The following GSX2 variants were observed in gnomAD, a reference collection of about 807,000 sequenced individuals.
GSX2 encodes the protein GS homeobox 2, also known as genetic-screened homeobox 2.
In GSX2, 16 loss-of-function variants were observed where a neutral mutation model predicts 19.2. The ratio of observed to expected loss-of-function variants is 0.84; its 90% CI spans 0.57 to 1.27. The LOEUF (loss-of-function observed/expected upper bound fraction) is 1.27. Ranked by LOEUF, GSX2 falls within the 50% of genes most tolerant of loss-of-function variation. GSX2 has a pLI of 0.00. For missense variants in GSX2, 448 were observed against 428.4 expected (o/e 1.05, Z -0.40); for synonymous variants, 217 against 196.4 (o/e 1.10, Z -0.88).
At position 54,100,791 on chromosome 4, in the gene GSX2, G is replaced by GGCGGCAGCA; in HGVS notation, c.450_458dup (p.Ala160_Ala162dup). ...CCCAGCAGCCTGGCTCGGCCGCGGCGGCGGCAGCAGCAGCAGCGGCGGCGG... is the reference window on the plus strand; with the variant it reads ...CCCAGCAGCCTGGCTCGGCCGCGGCGGCGGCAGCAGCGGCAGCAGCAGCAGCGGCGGCGG... On this transcript the variant is annotated inframe_insertion, in exon 1 of 2. Transcript: ENST00000326902. The GGCGGCAGCA allele has an allele frequency of 6.8e-7, 1 of 1,465,186 alleles. No individual in the cohort carries two copies. The highest frequency in any genetic ancestry group is 9.0e-7 in the Non-Finnish European group (1 of 1,115,982). 90.8% of individuals were successfully genotyped at this position (1,465,186 alleles called of 1,614,324 possible). A position where few individuals can be genotyped will look rare whatever the true frequency, so the allele number is the denominator to read the frequency against.
rs537141111 is a variant in GSX2, at chr4:54,100,361, A to T, written c.17A>T (p.Tyr6Phe). 72 of 1,613,646 alleles carry T rather than the reference A, an allele frequency of 4.5e-5. No homozygotes were observed. The East Asian group carries it at 1.5e-3, about 34-fold the overall frequency. MSRSF[Y>F]VDSLIIKDTS... The stretch of plus-strand genomic sequence containing the variant: ...CCTCTCGACATGTCGCGCTCCTTCT[A>T]TGTCGACTCGCTCATCATCAAGGAC... The change falls in exon 1 of 2, where the codon TAT becomes TTT. Residue 6 changes from tyrosine to phenylalanine, a missense_variant. By Grantham distance (22) the Tyr-to-Phe change is conservative (BLOSUM62 3). Transcript: ENST00000326902.
In GSX2 at chr4:54,101,937, C is replaced by T. The variant is rs753350409; in HGVS notation, c.*15C>T. 1.9e-6 allele frequency: 3 copies of T among 1,549,672 alleles called. No individual in the cohort carries two copies. The highest frequency in any genetic ancestry group is 2.6e-6 in the Non-Finnish European group (3 of 1,144,612). ...CCCCCTTATGAGGGAGGGCCTCCTC[C>T]CTCACATCCCCCGCTCCTGGCAGAC... On this transcript the variant is annotated 3_prime_UTR_variant, in exon 2 of 2. Coordinates refer to ENST00000326902, the MANE Select transcript of GSX2 (RefSeq NM_133267.3). This position sits in a 1 kb window ranked among gnomAD's most constrained non-coding sequence, Gnocchi z 5.0.
rs1051407139 is a variant in GSX2, at chr4:54,102,438, G to C, written c.*516G>C. 1 of 152,010 alleles carries C rather than the reference G, an allele frequency of 6.6e-6. No homozygotes were observed. The highest frequency in any genetic ancestry group is 1.5e-5 in the Non-Finnish European group (1 of 68,030). The allele number at this position is 152,010 out of a possible 1,614,324, so 9.4% of individuals were successfully genotyped here. A position where few individuals can be genotyped will look rare whatever the true frequency, so the allele number is the denominator to read the frequency against. Reference sequence around the variant, plus strand: ...AGTCGCTGGAAGTCCCTTTGTATGTGAATAGGTTTATATAAAATTTATATT... The same window carrying C: ...AGTCGCTGGAAGTCCCTTTGTATGTCAATAGGTTTATATAAAATTTATATT... On this transcript the variant is annotated 3_prime_UTR_variant, in exon 2 of 2. Transcript: ENST00000326902.
rs559820615 is a variant in GSX2, at chr4:54,101,006, C to T, written c.574+88C>T. ...ACCTCCAGTGGAGGAAGTGGGAGCC[C>T]GGGGACAGGGTGAAGAGAGAGGACG... On this transcript the variant is annotated intron_variant, in intron 1 of 1. Transcript: ENST00000326902. This position sits in a 1 kb window ranked among gnomAD's most constrained non-coding sequence, Gnocchi z 5.0. The T allele has an allele frequency of 9.5e-5, 111 of 1,163,530 alleles. 2 individuals carry two copies. In the South Asian group the frequency reaches 1.0e-3, roughly 11 times the overall value. The allele number at this position is 1,163,530 out of a possible 1,614,324, so 72.1% of individuals were successfully genotyped here. A position where few individuals can be genotyped will look rare whatever the true frequency, so the allele number is the denominator to read the frequency against.
rs773160470 is a variant in GSX2, at chr4:54,100,336, C to G, written c.-9C>G. 96 of 1,612,674 alleles carry G rather than the reference C, an allele frequency of 6.0e-5. No individual in the cohort carries two copies. The East Asian group carries it at 1.5e-3, about 25-fold the overall frequency. ...CTGCCGGGGCTTCCAGCCACCCACC[C>G]CTCTCGACATGTCGCGCTCCTTCTA... On this transcript the variant is annotated 5_prime_UTR_variant, in exon 1 of 2. Coordinates refer to ENST00000326902, the MANE Select transcript of GSX2 (RefSeq NM_133267.3).
chr4:54,101,301 C>T lies in GSX2; in HGVS notation c.575-281C>T, dbSNP rs1490601643. Among the ~76,000 whole-genome samples the T allele has an allele frequency of 6.6e-6, 1 of 152,182 alleles. No individual in the cohort carries two copies. The highest frequency in any genetic ancestry group is 2.4e-5 in the African/African-American group (1 of 41,460). The stretch of plus-strand genomic sequence containing the variant: ...GTCTTGACGTTTTTGGCTAAGCCTG[C>T]GCGCTTCTCCGCTTGGCTCAAAGGG... On this transcript the variant is annotated intron_variant, in intron 1 of 1. Coordinates refer to ENST00000326902, the MANE Select transcript of GSX2 (RefSeq NM_133267.3). This position sits in a 1 kb window ranked among gnomAD's most constrained non-coding sequence, Gnocchi z 5.0.
chr4:54,102,254 A>C lies in GSX2; in HGVS notation c.*332A>C. Reference sequence around the variant, plus strand: ...TTTTGAAAGCACATGTCAGTTCCCCATCCCTACTCTCTTTCAGAACTCGAT... The same window carrying C: ...TTTTGAAAGCACATGTCAGTTCCCCCTCCCTACTCTCTTTCAGAACTCGAT... On this transcript the variant is annotated 3_prime_UTR_variant, in exon 2 of 2. Coordinates refer to ENST00000326902, the MANE Select transcript of GSX2 (RefSeq NM_133267.3). 4.7e-6 allele frequency: 1 copy of C among 213,476 alleles called. No homozygotes were observed. The highest frequency in any genetic ancestry group is 9.2e-6 in the Non-Finnish European group (1 of 108,614). The allele number at this position is 213,476 out of a possible 1,614,324, so 13.2% of individuals were successfully genotyped here.
chr4:54,102,002 C>A lies in GSX2; in HGVS notation c.*80C>A. 8.2e-7 allele frequency: 1 copy of A among 1,223,900 alleles called. No individual in the cohort carries two copies. The highest frequency in any genetic ancestry group is 1.1e-6 in the Non-Finnish European group (1 of 887,600). 75.8% of individuals were successfully genotyped at this position (1,223,900 alleles called of 1,614,324 possible). ...GCGTGGGGCACCCAGGGGCCAGAAT[C>A]CTTGCTCATTGCAGTGGTCCCATCT... On this transcript the variant is annotated 3_prime_UTR_variant, in exon 2 of 2. Transcript: ENST00000326902.
At position 54,101,915 on chromosome 4, in the gene GSX2, C is replaced by G; in HGVS notation, c.908C>G (p.Pro303Arg). Residue 303 changes from proline to arginine, a missense_variant, in exon 2 of 2, where the codon CCC becomes CGC. By Grantham distance (103) the Pro-to-Arg change is moderately radical. Transcript: ENST00000326902. This position sits in a 1 kb window ranked among gnomAD's most constrained non-coding sequence, Gnocchi z 5.0. ...GCCAACGATGACAAGGAGATTTCCC[C>G]CTTATGAGGGAGGGCCTCCTCCCTC... is the stretch of plus-strand genomic sequence containing the variant. ...ASANDDKEIS[P>R]L 6.3e-7 allele frequency: 1 copy of G among 1,595,366 alleles called. No homozygotes were observed. Among genetic ancestry groups the G allele is most frequent in the South Asian group, 1.1e-5 (1 of 88,512 alleles).
rs548038657 is a variant in GSX2 at position 54,100,315 on chromosome 4, C to CG, written c.-26dup. 6.2e-7 allele frequency: 1 copy of CG among 1,609,470 alleles called. No individual in the cohort carries two copies. Among genetic ancestry groups the CG allele is most frequent in the Non-Finnish European group, 8.5e-7 (1 of 1,179,346 alleles). ...GAGGAGAGGGGTCGCCGCGAACTGCCGGGGCTTCCAGCCACCCACCCCTCT... is the reference window on the plus strand; with the variant it reads ...GAGGAGAGGGGTCGCCGCGAACTGCCGGGGGCTTCCAGCCACCCACCCCTCT... On this transcript the variant is annotated 5_prime_UTR_variant, in exon 1 of 2. Coordinates refer to ENST00000326902, the MANE Select transcript of GSX2 (RefSeq NM_133267.3).
In GSX2 at chr4:54,101,769, A is replaced by G. The variant is rs751232034; in HGVS notation, c.762A>G (p.Arg254=). ...KQVKIWFQNR[R]VKHKKEGKGT... The stretch of plus-strand genomic sequence containing the variant: ...TGAAAATCTGGTTTCAGAACCGCCG[A>G]GTGAAGCACAAGAAGGAGGGGAAGG... Residue 254 remains arginine, a synonymous_variant, in exon 2 of 2, where the codon CGA becomes CGG. Transcript: ENST00000326902. This position sits in a 1 kb window ranked among gnomAD's most constrained non-coding sequence, Gnocchi z 5.0. 6 of 1,614,198 alleles carry G rather than the reference A, an allele frequency of 3.7e-6. No homozygotes were observed. In the South Asian group the frequency reaches 6.6e-5, roughly 18 times the overall value.
chr4:54,100,786 G>C lies in GSX2; in HGVS notation c.442G>C (p.Ala148Pro). ...HHQPQQPGSA[A>P]AAAAAAAAAA... ...TCAGCCCCAGCAGCCTGGCTCGGCC[G>C]CGGCGGCGGCAGCAGCAGCAGCGGC... is the stretch of plus-strand genomic sequence containing the variant. Residue 148 changes from alanine (A) to proline (P), a missense_variant, in exon 1 of 2, where the codon GCG (alanine) becomes CCG (proline). By Grantham distance (27) the Ala-to-Pro change is conservative. Coordinates refer to ENST00000326902, the MANE Select transcript of GSX2 (RefSeq NM_133267.3). 6.9e-7 allele frequency: 1 copy of C among 1,451,946 alleles called. No homozygotes were observed. Among genetic ancestry groups the C allele is most frequent in the Non-Finnish European group, 9.1e-7 (1 of 1,104,886 alleles). The allele number at this position is 1,451,946 out of a possible 1,614,324, so 89.9% of individuals were successfully genotyped here.
rs754704029 is a variant in GSX2, at chr4:54,100,812, GGCGGCGGCC to G, written c.478_486del (p.Ala160_Ala162del). 3.4e-6 allele frequency: 5 copies of G among 1,449,924 alleles called. No individual in the cohort carries two copies. Among genetic ancestry groups the G allele is most frequent in the Non-Finnish European group, 3.6e-6 (4 of 1,110,370 alleles). 89.8% of individuals were successfully genotyped at this position (1,449,924 alleles called of 1,614,324 possible). ...CGGCGGCGGCAGCAGCAGCAGCGGC[GGCGGCGGCC>G]GCGGCGGCCTTGGGGCACCCGCAGC... On this transcript the variant is annotated inframe_deletion, in exon 1 of 2. Transcript: ENST00000326902.
Position 54,102,065 on chromosome 4 carries a change from GCCGGGAC to G in GSX2, c.*145_*151del. ...AACCTGGAAGTTCTGGAATGGACAA[GCCGGGAC>G]CTGACCCTTCGCGTCTCCTTCTTGA... On this transcript the variant is annotated 3_prime_UTR_variant, in exon 2 of 2. Coordinates refer to ENST00000326902, the MANE Select transcript of GSX2 (RefSeq NM_133267.3). 1 of 685,252 alleles carries G rather than the reference GCCGGGAC, an allele frequency of 1.5e-6. No homozygotes were observed. Among genetic ancestry groups the G allele is most frequent in the East Asian group, 2.7e-5 (1 of 36,402 alleles). 42.4% of individuals were successfully genotyped at this position (685,252 alleles called of 1,614,324 possible).
At position 54,100,566 on chromosome 4, in the gene GSX2, G is replaced by T. The variant is rs755157514; in HGVS notation, c.222G>T (p.Gly74=). The T allele has an allele frequency of 6.3e-7, 1 of 1,594,552 alleles. No homozygotes were observed. Among genetic ancestry groups the T allele is most frequent in the Non-Finnish European group, 8.5e-7 (1 of 1,172,290 alleles). ...CVTSHLHSSR[G]SVGAGSGGAG... is the part of the protein sequence containing the mutation. ...CTTCGCACCTGCACTCCTCTCGGGGGTCTGTGGGCGCCGGCAGCGGGGGCG... is the reference window on the plus strand; with the variant it reads ...CTTCGCACCTGCACTCCTCTCGGGGTTCTGTGGGCGCCGGCAGCGGGGGCG... Residue 74 remains glycine, a synonymous_variant, in exon 1 of 2, where the codon GGG becomes GGT. Coordinates refer to ENST00000326902, the MANE Select transcript of GSX2 (RefSeq NM_133267.3).
At position 54,101,895 on chromosome 4, in the gene GSX2, C is replaced by T. The variant is rs187314393; in HGVS notation, c.888C>T (p.Asn296=). The change falls in exon 2 of 2, where the codon AAC becomes AAT. Residue 296 remains asparagine (N), a synonymous_variant. Transcript: ENST00000326902. This position sits in a 1 kb window ranked among gnomAD's most constrained non-coding sequence, Gnocchi z 5.0. The part of the protein sequence containing the change: ...DEDSLSPASA[N]DDKEISPL ...ACTCCCTGTCGCCGGCCTCAGCCAACGATGACAAGGAGATTTCCCCCTTAT... is the reference window on the plus strand; with the variant it reads ...ACTCCCTGTCGCCGGCCTCAGCCAATGATGACAAGGAGATTTCCCCCTTAT... The T allele has an allele frequency of 6.2e-7, 1 of 1,610,202 alleles. No individual in the cohort carries two copies. The highest frequency in any genetic ancestry group is 1.1e-5 in the South Asian group (1 of 90,630).
rs1718164030 is a variant in GSX2 at position 54,101,014 on chromosome 4, G to C, written c.574+96G>C. 1 of 1,071,830 alleles carries C rather than the reference G, an allele frequency of 9.3e-7. No individual in the cohort carries two copies. Among genetic ancestry groups the C allele is most frequent in the African/African-American group, 1.7e-5 (1 of 59,694 alleles). The allele number at this position is 1,071,830 out of a possible 1,614,324, so 66.4% of individuals were successfully genotyped here. A position where few individuals can be genotyped will look rare whatever the true frequency, so the allele number is the denominator to read the frequency against. ...TGGAGGAAGTGGGAGCCCGGGGACA[G>C]GGTGAAGAGAGAGGACGGGCTTTTA... On this transcript the variant is annotated intron_variant, in intron 1 of 1. Coordinates refer to ENST00000326902, the MANE Select transcript of GSX2 (RefSeq NM_133267.3). The surrounding 1 kb of genome is among the most constrained non-coding windows in gnomAD (Gnocchi z 5.0).
In GSX2 at chr4:54,102,188, A is replaced by G; in HGVS notation, c.*266A>G. 3 of 442,360 alleles carry G rather than the reference A, an allele frequency of 6.8e-6. No individual in the cohort carries two copies. In the South Asian group the frequency reaches 1.1e-4, roughly 16 times the overall value. The allele number at this position is 442,360 out of a possible 1,614,324, so 27.4% of individuals were successfully genotyped here. ...TCAACTCATTCTTGTCGTATAACAG[A>G]GGAAAAACAGGGTTGGTTTAAGTTT... On this transcript the variant is annotated 3_prime_UTR_variant, in exon 2 of 2. Coordinates refer to ENST00000326902, the MANE Select transcript of GSX2 (RefSeq NM_133267.3).
In GSX2 at chr4:54,100,853, C is replaced by T; in HGVS notation, c.509C>T (p.Ala170Val). ...AAALGHPQHH[A>V]PVCTATTYNV... Reference sequence around the variant, plus strand: ...GCCTTGGGGCACCCGCAGCACCACGCACCTGTCTGCACCGCCACCACCTAC... The same window carrying T: ...GCCTTGGGGCACCCGCAGCACCACGTACCTGTCTGCACCGCCACCACCTAC... Residue 170 changes from alanine to valine, a missense_variant, in exon 1 of 2, where the codon GCA becomes GTA. Coordinates refer to ENST00000326902, the MANE Select transcript of GSX2 (RefSeq NM_133267.3). 6.4e-7 allele frequency: 1 copy of T among 1,555,200 alleles called. No individual in the cohort carries two copies. The highest frequency in any genetic ancestry group is 8.6e-7 in the Non-Finnish European group (1 of 1,158,026).
Sources: allele counts gnomAD v4.1 joint callset (sites outside exome capture counted in the v4.1 genomes callset), GRCh38; gene constraint gnomAD v4.1.1; non-coding constraint Gnocchi (gnomAD v3.1); transcripts MANE v1.5; gene names NCBI Gene and HGNC (gene_info 2026-07-23, HGNC 2026-07-21).